COL4A2: variants seen among roughly 807,000 people sequenced by gnomAD.
COL4A2 encodes collagen type IV alpha 2 chain.
In COL4A2, 99 loss-of-function variants were observed where a neutral mutation model predicts 200.2. That is an observed-to-expected ratio of 0.49 (90% CI 0.42 to 0.58). The LOEUF is 0.58. Ranked by LOEUF, COL4A2 falls within the 20% of genes least tolerant of loss-of-function variation. The pLI is 0.00. For missense variants in COL4A2, 1,950 were observed against 2,314.1 expected, an observed-to-expected ratio of 0.84 and a Z score of 3.23; for synonymous variants, 897 against 900.6, an observed-to-expected ratio of 1.00 and a Z score of 0.07.
Position 110,307,520 on chromosome 13 carries a change from G to A in COL4A2, c.-53G>A. ...CGTTCGGGCAGCAGCCCCTGAAGCC[G>A]AGCCCGAGGTGAGAGCGACCCCCGA... On this transcript the variant is annotated 5_prime_UTR_variant, in exon 1 of 48. Coordinates refer to ENST00000360467, the MANE Select transcript of COL4A2 (RefSeq NM_001846.4). The surrounding 1 kb of genome is among the most constrained non-coding windows in gnomAD (Gnocchi z 5.0). The A allele has an allele frequency of 3.7e-6, 1 of 270,554 alleles. No homozygotes were observed. Among genetic ancestry groups the A allele is most frequent in the Non-Finnish European group, 6.9e-6 (1 of 144,734 alleles). 16.8% of individuals were successfully genotyped at this position (270,554 alleles called of 1,614,324 possible). A position where few individuals can be genotyped will look rare whatever the true frequency, so the allele number is the denominator to read the frequency against.
At chr13:110,430,677 C>G (rs1198728274) in intron 10 of COL4A2, 70 bp downstream of exon 10, 3 of 1,585,270 alleles carry the variant, frequency 1.9e-6, no homozygotes, top group Non-Finnish European at 2.6e-6. Flanking sequence ...GCCACTTCTT[C>G]AATGGTTGAC....
intron 21 of COL4A2, chr13:110,458,249 G>T: frequency 2.5e-6 from 1 of 408,042 alleles, no homozygotes. Context: ...CCTGCCGCCA[G>T]CATGGTGCTG....
At chr13:110,318,719 A>C (rs4773155) in intron 3 of COL4A2, among the ~76,000 whole-genome samples, 85,431 of 152,006 alleles carry the variant, frequency 0.56, 24,187 homozygotes, top group Middle Eastern at 0.84. Flanking sequence ...AGCAAGAAGA[A>C]ATTGGCTGTA....
At chr13:110,434,267 A>G (rs1880790096) in intron 11 of COL4A2, 134 bp from the exon 12 acceptor site, 1 of 742,080 alleles carries the variant, frequency 1.3e-6, no homozygotes, top group Non-Finnish European at 2.2e-6. Context: ...GCAAAGCAAG[A>G]ATATTATGCA....
In COL4A2 at chr13:110,476,623, G is replaced by C. The variant is rs532603225; in HGVS notation, c.2426-1380G>C. 5.9e-5 allele frequency among the ~76,000 whole-genome samples: 9 copies of C among 152,308 alleles called. 1 individual carries two copies. Among genetic ancestry groups the C allele is most frequent in the Admixed American group, 3.3e-4 (5 of 15,294 alleles). On this transcript the variant is annotated intron_variant, in intron 29 of 47. Coordinates refer to ENST00000360467, the MANE Select transcript of COL4A2 (RefSeq NM_001846.4). Reference sequence around the variant, plus strand: ...CTGGACCAGCCCTGCACACCTGCAGGGTGGCTGTGAGGCTACGTGAGTGTG... The same window carrying C: ...CTGGACCAGCCCTGCACACCTGCAGCGTGGCTGTGAGGCTACGTGAGTGTG...
chr13:110,336,080 C>G (rs902810213), intron 3 of COL4A2, among the ~76,000 whole-genome samples: 2 of 152,216 alleles, frequency 1.3e-5, no homozygotes, highest in Non-Finnish European at 2.9e-5. Context: ...CAAAAATTTG[C>G]CTCTATGTAT....
Position 110,495,336 on chromosome 13 carries a change from C to A in COL4A2, c.3635-6C>A. 6.2e-7 allele frequency: 1 copy of A among 1,614,148 alleles called. No individual in the cohort carries two copies. The highest frequency in any genetic ancestry group is 8.5e-7 in the Non-Finnish European group (1 of 1,180,014). On this transcript the variant is annotated splice_polypyrimidine_tract_variant and splice_region_variant and intron_variant, in intron 39 of 47. Coordinates refer to ENST00000360467, the MANE Select transcript of COL4A2 (RefSeq NM_001846.4). ...GACATCAGCTGCTGTTATAACTCTTCCACAGGTTCTGACATCCACGGAGAC... is the reference window on the plus strand; with the variant it reads ...GACATCAGCTGCTGTTATAACTCTTACACAGGTTCTGACATCCACGGAGAC...
At chr13:110,490,781 A>G (rs1328783466) in intron 36 of COL4A2, among the ~76,000 whole-genome samples, 1 of 152,230 alleles carries the variant, frequency 6.6e-6, no homozygotes, top group Non-Finnish European at 1.5e-5. Flanking sequence ...CACTTGTTCA[A>G]CTGAAAATGT....
rs528544140 is a variant in COL4A2 at position 110,510,698 on chromosome 13, T to A, written c.4882-1236T>A. ...GTGTGTGCATGTGTGCATGTATGCA[T>A]GTGTGTGTGCGCAGCAAACTCAGCT... On this transcript the variant is annotated intron_variant, in intron 47 of 47. Coordinates refer to ENST00000360467, the MANE Select transcript of COL4A2 (RefSeq NM_001846.4). Among the ~76,000 whole-genome samples, 4 of 152,196 alleles carry A rather than the reference T, an allele frequency of 2.6e-5. No homozygotes were observed. In the East Asian group the frequency reaches 7.7e-4, roughly 29 times the overall value.
At chr13:110,350,832 C>G (rs1327495620) in intron 3 of COL4A2, among the ~76,000 whole-genome samples, 1 of 152,124 alleles carries the variant, frequency 6.6e-6, no homozygotes, top group Non-Finnish European at 1.5e-5. Context: ...CTTGCCATGG[C>G]GGGGGCCAGC....
intron 11 of COL4A2, among the ~76,000 whole-genome samples, chr13:110,433,769 A>C (rs1486071110): frequency 2.0e-5 from 3 of 152,216 alleles, no homozygotes; most frequent in Non-Finnish European, 4.4e-5. Flanking sequence ...CTATGCACGA[A>C]TCTTAGAGGT....
chr13:110,397,435 A>T (rs2139427731), intron 4 of COL4A2, among the ~76,000 whole-genome samples: 1 of 152,370 alleles, frequency 6.6e-6, no homozygotes, highest in Admixed American at 6.5e-5. Context: ...AGCACTTTTT[A>T]AATGAATTTT....
At chr13:110,477,442 T>C (rs1191090897) in intron 29 of COL4A2, among the ~76,000 whole-genome samples, 1 of 152,218 alleles carries the variant, frequency 6.6e-6, no homozygotes, top group African/African-American at 2.4e-5. Flanking sequence ...AACATTAAAT[T>C]AGTGTTTGCT....
At chr13:110,333,078 C>T (rs1221216928) in intron 3 of COL4A2, among the ~76,000 whole-genome samples, 1 of 152,192 alleles carries the variant, frequency 6.6e-6, no homozygotes, top group African/African-American at 2.4e-5. Flanking sequence ...CCCCATCATC[C>T]TAAGGAGATA....
intron 34 of COL4A2, 138 bp from the exon 35 acceptor site, chr13:110,489,307 G>A (rs1883206864): frequency 2.4e-5 from 19 of 802,788 alleles, no homozygotes; most frequent in East Asian, 5.1e-5. Flanking sequence ...TAAAAAACAC[G>A]AGTTTTCCAC....
At position 110,413,419 on chromosome 13, in the gene COL4A2, A is replaced by G. The variant is rs900424341; in HGVS notation, c.181-11315A>G. ...GTATGGCAGTGCCCTGCAGTGTGCC[A>G]TGGGGAAGAAGCCCCGGCCGCCTCC... On this transcript the variant is annotated intron_variant, in intron 4 of 47. Coordinates refer to ENST00000360467, the MANE Select transcript of COL4A2 (RefSeq NM_001846.4). Among the ~76,000 whole-genome samples, 3 of 152,184 alleles carry G rather than the reference A, an allele frequency of 2.0e-5. No homozygotes were observed. In the East Asian group the frequency reaches 5.8e-4, roughly 29 times the overall value.
intron 3 of COL4A2, among the ~76,000 whole-genome samples, chr13:110,338,436 G>C (rs1037395539): frequency 5.0e-5 from 2 of 40,160 alleles, no homozygotes; most frequent in Non-Finnish European, 7.0e-5. Flanking sequence ...GTTGTGTGTG[G>C]GGGGGGGTGG....
chr13:110,314,613 C>T (rs1015162128), intron 3 of COL4A2, among the ~76,000 whole-genome samples: 10 of 152,144 alleles, frequency 6.6e-5, no homozygotes, highest in African/African-American at 1.4e-4. Context: ...GCCTCTTCTT[C>T]GCTGGGGAGG....
chr13:110,389,536 GC>G (rs1331738908), intron 4 of COL4A2, among the ~76,000 whole-genome samples: 1 of 152,208 alleles, frequency 6.6e-6, no homozygotes, highest in African/African-American at 2.4e-5. Context: ...CTGCAGGAGG[GC>G]CCGGCTCAGG....
Sources: allele counts gnomAD v4.1 joint callset (sites outside exome capture counted in the v4.1 genomes callset), GRCh38; gene constraint gnomAD v4.1.1; non-coding constraint Gnocchi (gnomAD v3.1); transcripts MANE v1.5; gene names NCBI Gene and HGNC (gene_info 2026-07-23, HGNC 2026-07-21).